Variants in MRTFA observed in about 807,000 individuals in gnomAD.
The protein encoded by MRTFA is myocardin-related transcription factor A.
Under a neutral mutation model 83.5 loss-of-function variants are expected in MRTFA, and 20 were observed. That is an observed-to-expected ratio of 0.24 (90% CI 0.17 to 0.35). MRTFA has a LOEUF of 0.35. Among genes scored for constraint, MRTFA ranks in the 10% least tolerant of loss-of-function variants. The pLI is 1.00. For missense variants in MRTFA, 1,200 were observed against 1,224.7 expected (o/e 0.98, Z 0.30); for synonymous variants, 659 against 541.2 (o/e 1.22, Z -3.02).
intron 3 of MRTFA, among the ~76,000 whole-genome samples, chr22:40,529,057 T>C (rs768018199): frequency 1.3e-5 from 2 of 152,160 alleles, no homozygotes; most frequent in Non-Finnish European, 2.9e-5. Flanking sequence ...GTGAGTGATG[T>C]GAACCCAAAT....
In MRTFA at chr22:40,451,980, T is replaced by G. The variant is rs1037123632; in HGVS notation, c.307+11241A>C. Among the ~76,000 whole-genome samples, 15 of 112,374 alleles carry G rather than the reference T, an allele frequency of 1.3e-4. No individual in the cohort carries two copies. The East Asian group carries it at 1.9e-3, about 14-fold the overall frequency. The allele number at this position is 112,374 out of a possible 152,430, so 73.7% of individuals were successfully genotyped here. A position where few individuals can be genotyped will look rare whatever the true frequency, so the allele number is the denominator to read the frequency against. On this transcript the variant is annotated intron_variant, in intron 4 of 14. Coordinates refer to ENST00000355630, the MANE Select transcript of MRTFA (RefSeq NM_020831.6). ...GCTGAAGTTTTTTTTTTTTGGTTTTTTTTTTTTTTTTTTTTTTTTTTGAGA... is the reference window on the plus strand; with the variant it reads ...GCTGAAGTTTTTTTTTTTTGGTTTTGTTTTTTTTTTTTTTTTTTTTTGAGA...
chr22:40,456,593 T>C (rs901667107), intron 4 of MRTFA, among the ~76,000 whole-genome samples: 21 of 152,062 alleles, frequency 1.4e-4, no homozygotes, highest in African/African-American at 5.1e-4. Flanking sequence ...AAGGCTGAGG[T>C]GGGAGGATGG....
chr22:40,508,862 A>G (rs1461021305), intron 3 of MRTFA, among the ~76,000 whole-genome samples: 3 of 152,120 alleles, frequency 2.0e-5, no homozygotes, highest in South Asian at 4.2e-4. Flanking sequence ...AAAAAAAAAA[A>G]AGAACTTGGT....
At chr22:40,614,809 A>G (rs2056430559) in intron 1 of MRTFA, among the ~76,000 whole-genome samples, 1 of 152,174 alleles carries the variant, frequency 6.6e-6, no homozygotes, top group Non-Finnish European at 1.5e-5. Context: ...CTTCTAAGAA[A>G]TGTCCATTCA....
At chr22:40,622,221 C>A (rs1157089832) in intron 1 of MRTFA, among the ~76,000 whole-genome samples, 1 of 152,136 alleles carries the variant, frequency 6.6e-6, no homozygotes, top group East Asian at 1.9e-4. Context: ...GTGGCTCACG[C>A]CTGTAATCCC....
chr22:40,574,440 A>T (rs78226781), intron 2 of MRTFA, among the ~76,000 whole-genome samples: 49,732 of 147,636 alleles, frequency 0.34, 8,632 homozygotes, highest in East Asian at 0.63. Context: ...TATTATTATT[A>T]TTTTTTTTTT....
chr22:40,556,270 A>G (rs760562978), intron 2 of MRTFA, among the ~76,000 whole-genome samples: 1 of 152,208 alleles, frequency 6.6e-6, no homozygotes, highest in Non-Finnish European at 1.5e-5. Context: ...GAAGAAACCA[A>G]CAAAATATTG....
intron 2 of MRTFA, among the ~76,000 whole-genome samples, chr22:40,558,789 T>G (rs530746704): frequency 7.8e-4 from 103 of 132,292 alleles, no homozygotes; most frequent in Admixed American, 2.2e-3. Flanking sequence ...TTTGGGGGGG[T>G]TTTTTGGGTT....
At chr22:40,422,013 G>A (rs943733058) in intron 9 of MRTFA, among the ~76,000 whole-genome samples, 1 of 152,208 alleles carries the variant, frequency 6.6e-6, no homozygotes, top group African/African-American at 2.4e-5. Flanking sequence ...CTGGGAGCAT[G>A]GGAAGGATGG....
chr22:40,510,107 T>C (rs1286414305), intron 3 of MRTFA, among the ~76,000 whole-genome samples: 1 of 151,948 alleles, frequency 6.6e-6, no homozygotes, highest in Non-Finnish European at 1.5e-5. Flanking sequence ...TCCAGTCAAA[T>C]TGACAGATAT....
chr22:40,571,921 C>CAA (rs557782525), intron 2 of MRTFA, among the ~76,000 whole-genome samples: 353 of 18,722 alleles, frequency 0.019, 28 homozygotes, highest in African/African-American at 0.057. Context: ...AAGACTCTGT[C>CAA]AAAAAAAAAA....
At chr22:40,618,004 T>C (rs1472460226) in intron 1 of MRTFA, among the ~76,000 whole-genome samples, 2 of 151,586 alleles carry the variant, frequency 1.3e-5, no homozygotes, top group African/African-American at 4.8e-5. Flanking sequence ...CAAGTGGTAA[T>C]AAGTCTTCTG....
chr22:40,527,529 G>A (rs373178091), intron 3 of MRTFA, among the ~76,000 whole-genome samples: 21 of 151,970 alleles, frequency 1.4e-4, no homozygotes, highest in African/African-American at 5.1e-4. Flanking sequence ...AGGCTGAGGT[G>A]GGCAGATCAC....
At chr22:40,483,614 G>C (rs1235547980) in intron 3 of MRTFA, among the ~76,000 whole-genome samples, 1 of 151,730 alleles carries the variant, frequency 6.6e-6, no homozygotes, top group Non-Finnish European at 1.5e-5. Context: ...GAACCCAGGA[G>C]GCAGAGCTGG....
At chr22:40,566,147 G>A (rs2055699818) in intron 2 of MRTFA, among the ~76,000 whole-genome samples, 1 of 152,066 alleles carries the variant, frequency 6.6e-6, no homozygotes, top group South Asian at 2.1e-4. Context: ...GAGAGGAATG[G>A]ACATAAGTAT....
Position 40,424,273 on chromosome 22 carries a change from A to G in MRTFA, c.710T>C (p.Val237Ala). 1.2e-6 allele frequency: 2 copies of G among 1,611,976 alleles called. No homozygotes were observed. The highest frequency in any genetic ancestry group is 1.7e-6 in the Non-Finnish European group (2 of 1,179,248). The change falls in exon 8 of 15, where the codon GTG (valine) becomes GCG (alanine). Residue 237 changes from valine to alanine, a missense_variant. This residue lies in a region of MRTFA where 1,107 missense variants were observed against 1,041.8 expected (regional missense o/e 1.06). Coordinates refer to ENST00000355630, the MANE Select transcript of MRTFA (RefSeq NM_020831.6). ...GACTCGGGCCTCCAGGGGTGACGGC[A>G]CAGAACCCTGGGACTCATGGCTGGC...
chr22:40,552,403 T>C, intron 2 of MRTFA, 36 bp from the exon 3 acceptor site: 1 of 397,348 alleles, frequency 2.5e-6, no homozygotes, highest in Non-Finnish European at 4.4e-6. Flanking sequence ...GTTTAGATGG[T>C]ACCATGATAA....
intron 3 of MRTFA, among the ~76,000 whole-genome samples, chr22:40,504,002 G>C (rs942582465): frequency 1.3e-5 from 2 of 152,060 alleles, no homozygotes; most frequent in Non-Finnish European, 2.9e-5. Flanking sequence ...AAAAGATTCA[G>C]TTAAATTTAT....
intron 2 of MRTFA, among the ~76,000 whole-genome samples, chr22:40,565,983 G>A (rs1162695973): frequency 6.6e-6 from 1 of 152,072 alleles, no homozygotes; most frequent in African/African-American, 2.4e-5. Flanking sequence ...CTTGATCCTG[G>A]GCAGTGAAGC....
Sources: gnomAD v4.1 joint callset for allele counts (sites outside exome capture counted in the v4.1 genomes callset) on GRCh38, gnomAD v4.1.1 for gene constraint, gnomAD v4.1.1 regional missense constraint, MANE v1.5 for transcripts, NCBI Gene and HGNC (gene_info 2026-07-23, HGNC 2026-07-21) for gene names.